Variants in TRIM14 observed in about 807,000 individuals in gnomAD.
TRIM14 encodes the protein tripartite motif containing 14.
In TRIM14, 28 loss-of-function variants were observed where a neutral mutation model predicts 44.5. That is an observed-to-expected ratio of 0.63 (90% CI 0.47 to 0.86). The LOEUF is 0.86. Among genes scored for constraint, TRIM14 ranks in the 40% least tolerant of loss-of-function variants. The pLI, the probability that TRIM14 is intolerant of heterozygous loss-of-function variation, is 0.00. For missense variants in TRIM14, 607 were observed against 611.1 expected (o/e 0.99, Z 0.07); for synonymous variants, 299 against 269.2 (o/e 1.11, Z -1.08).
At chr9:98,070,551 G>T (rs1829294899) in intron 6 of TRIM14, among the ~76,000 whole-genome samples, 1 of 152,046 alleles carries the variant, frequency 6.6e-6, no homozygotes, top group Non-Finnish European at 1.5e-5. Context: ...CTCCTGAGTA[G>T]CTAGGATTAT....
the TRIM14 span, among the ~76,000 whole-genome samples, chr9:98,052,488 T>TA: frequency 0.31 from 46,642 of 150,026 alleles, 8,681 homozygotes; most frequent in African/African-American, 0.52. Context: ...TCTTTTTTCT[T>TA]AAAAAAAAAA....
At chr9:98,056,458 C>T in the TRIM14 span, among the ~76,000 whole-genome samples, 1 of 152,222 alleles carries the variant, frequency 6.6e-6, no homozygotes, top group African/African-American at 2.4e-5. Flanking sequence ...CGCAGGCAGC[C>T]GTCCGCCTCC....
At chr9:98,060,889 G>C in the TRIM14 span, 1 of 1,614,212 alleles carries the variant, frequency 6.2e-7, no homozygotes, top group Non-Finnish European at 8.5e-7. Flanking sequence ...GGGGGAAGAC[G>C]TACGGGGAGC....
At chr9:98,081,389 G>A (rs1829854397), downstream of TRIM14, 2 of 331,342 alleles carry the variant, frequency 6.0e-6, no homozygotes, top group South Asian at 4.4e-5. Flanking sequence ...TCCAGAATAT[G>A]TAACAGGAGT....
chr9:98,064,547 C>T (rs1391171418), downstream of TRIM14, among the ~76,000 whole-genome samples: 1 of 152,164 alleles, frequency 6.6e-6, no homozygotes, highest in Non-Finnish European at 1.5e-5. Context: ...TAAGCCACCG[C>T]ACCCGCCCTA....
chr9:98,091,441 TCA>T (rs893964603), intron 5 of TRIM14, among the ~76,000 whole-genome samples: 12 of 149,926 alleles, frequency 8.0e-5, no homozygotes, highest in Admixed American at 4.0e-4. Flanking sequence ...CAAGACTCGG[TCA>T]CACACACACA....
rs111632541 is a variant in TRIM14, at chr9:98,086,948, C to T, written c.*522G>A. The T allele has an allele frequency of 6.8e-4, 135 of 199,486 alleles. 1 individual carries two copies. The highest frequency in any genetic ancestry group is 1.1e-3 in the Non-Finnish European group (109 of 97,054). 12.4% of individuals were successfully genotyped at this position (199,486 alleles called of 1,614,324 possible). Reference sequence around the variant, plus strand: ...GGGAGAGGGTTCAGACCAGGAACTGCTAAGAAGCTCTTGCAGCTTCTGGAG... The same window carrying T: ...GGGAGAGGGTTCAGACCAGGAACTGTTAAGAAGCTCTTGCAGCTTCTGGAG... On this transcript the variant is annotated 3_prime_UTR_variant, in exon 6 of 6. Coordinates refer to ENST00000341469, the MANE Select transcript of TRIM14 (RefSeq NM_014788.4).
chr9:98,104,162 C>T (rs139680377), intron 2 of TRIM14, among the ~76,000 whole-genome samples: 6 of 152,302 alleles, frequency 3.9e-5, no homozygotes, highest in African/African-American at 1.4e-4. Context: ...GGAATTAGTC[C>T]ACATTTTTAT....
chr9:98,115,341 G>A lies in TRIM14; in HGVS notation c.207+3641C>T, dbSNP rs1471861222. 9.2e-5 allele frequency among the ~76,000 whole-genome samples: 14 copies of A among 152,092 alleles called. No homozygotes were observed. In the East Asian group the frequency reaches 2.3e-3, roughly 25 times the overall value. On this transcript the variant is annotated intron_variant, in intron 1 of 5. Coordinates refer to ENST00000341469, the MANE Select transcript of TRIM14 (RefSeq NM_014788.4). ...CTTGGCTCACTGCAACCTCTGCCTC[G>A]TGGGGTTCAAGCAGTTCTCCTGCCT...
chr9:98,042,319 T>A, the TRIM14 span, among the ~76,000 whole-genome samples: 1 of 150,806 alleles, frequency 6.6e-6, no homozygotes, highest in South Asian at 2.1e-4. Flanking sequence ...AAAGTTTTCC[T>A]ATAATTTTTA....
chr9:98,037,799 C>T, the TRIM14 span, among the ~76,000 whole-genome samples: 3 of 152,134 alleles, frequency 2.0e-5, no homozygotes, highest in Admixed American at 6.5e-5. Context: ...ACCTTGACCC[C>T]GTGACCTAGC....
chr9:98,093,634 T>C (rs1826077450), intron 4 of TRIM14, among the ~76,000 whole-genome samples: 2 of 152,296 alleles, frequency 1.3e-5, no homozygotes, highest in African/African-American at 2.4e-5. Context: ...AATGCTTCCT[T>C]TGGGCCACCT....
At chr9:98,080,107 A>G (rs1482820097), downstream of TRIM14, among the ~76,000 whole-genome samples, 2 of 152,198 alleles carry the variant, frequency 1.3e-5, no homozygotes, top group South Asian at 4.1e-4. Context: ...CCAGCTGCTC[A>G]GGAGGCTGAG....
At chr9:98,056,697 G>A in the TRIM14 span, 4 of 1,439,808 alleles carry the variant, frequency 2.8e-6, no homozygotes, top group Admixed American at 2.3e-5. Context: ...GGGCTGACGT[G>A]GCGGGGCTGG....
chr9:98,056,533 G>C, the TRIM14 span, among the ~76,000 whole-genome samples: 6 of 152,012 alleles, frequency 3.9e-5, no homozygotes, highest in East Asian at 1.2e-3. Flanking sequence ...CACGCTCTGG[G>C]ACAGCAAGCC....
chr9:98,059,707 G>A, the TRIM14 span, among the ~76,000 whole-genome samples: 3 of 151,538 alleles, frequency 2.0e-5, no homozygotes, highest in African/African-American at 7.3e-5. Flanking sequence ...GGGCCACTGT[G>A]CCTGACCTCT....
intron 2 of TRIM14, among the ~76,000 whole-genome samples, chr9:98,101,052 A>G (rs1826370464): frequency 6.6e-6 from 1 of 152,122 alleles, no homozygotes; most frequent in African/African-American, 2.4e-5. Flanking sequence ...CTTGGCTCAC[A>G]GCAACCACTG....
At chr9:98,091,527 T>C (rs984813714) in intron 5 of TRIM14, among the ~76,000 whole-genome samples, 1 of 152,152 alleles carries the variant, frequency 6.6e-6, no homozygotes, top group African/African-American at 2.4e-5. Flanking sequence ...GTTCATAATA[T>C]ATCAGTAAAT....
intron 6 of TRIM14, chr9:98,076,895 AGC>A: frequency 6.3e-7 from 1 of 1,578,252 alleles, no homozygotes; most frequent in Non-Finnish European, 8.7e-7. Flanking sequence ...GGTGAAAAGG[AGC>A]TCCCTCTTTG....
Sources: gnomAD v4.1 joint callset for allele counts (sites outside exome capture counted in the v4.1 genomes callset) on GRCh38, gnomAD v4.1.1 for gene constraint, MANE v1.5 for transcripts, NCBI Gene and HGNC (gene_info 2026-07-23, HGNC 2026-07-21) for gene names.